VPS4A: variants seen among roughly 807,000 people sequenced by gnomAD.
The protein encoded by VPS4A is vacuolar protein sorting 4 homolog A.
A neutral mutation model predicts 52.3 loss-of-function variants in VPS4A; 20 were observed. The ratio of observed to expected loss-of-function variants is 0.38; its 90% CI spans 0.27 to 0.56. The LOEUF (loss-of-function observed/expected upper bound fraction) is 0.56. Ranked by LOEUF, VPS4A falls within the 20% of genes least tolerant of loss-of-function variation. The pLI, the probability that VPS4A is intolerant of heterozygous loss-of-function variation, is 0.72. For missense variants in VPS4A, 419 were observed against 575.9 expected (o/e 0.73, Z 2.79); for synonymous variants, 293 against 227.7 (o/e 1.29, Z -2.58).
intron 5 of VPS4A, 65 bp downstream of exon 5, chr16:69,319,007 G>A (rs543731331): frequency 3.9e-5 from 61 of 1,579,890 alleles, no homozygotes; most frequent in Middle Eastern, 1.7e-4. Flanking sequence ...CTGGCACTCC[G>A]AGGCACCCGG....
Position 69,324,580 on chromosome 16 carries a change from T to G in VPS4A, c.*271T>G, listed in dbSNP as rs973294045. The G allele has an allele frequency of 2.4e-6, 1 of 418,806 alleles. No homozygotes were observed. Among genetic ancestry groups the G allele is most frequent in the Non-Finnish European group, 4.4e-6 (1 of 226,014 alleles). 25.9% of individuals were successfully genotyped at this position (418,806 alleles called of 1,614,324 possible). On this transcript the variant is annotated 3_prime_UTR_variant, in exon 11 of 11. Transcript: ENST00000254950. ...CTCCTTCTGCCTCCCCCCCTTTTTT[T>G]TCCATCTTTTGTTCCCCTAAATTAA...
rs111910163 is a variant in VPS4A, at chr16:69,322,136, T to A, written c.1072-424T>A. On this transcript the variant is annotated intron_variant, in intron 9 of 10. Transcript: ENST00000254950. ...AAAGTGGAAACCCCTGATAAACCCA[T>A]CAGATCTCGTGAGACTTCACCATCA... The A allele has an allele frequency of 3.3e-3, 555 of 166,250 alleles. 2 individuals are homozygous for A. The highest frequency in any genetic ancestry group is 0.013 in the African/African-American group (521 of 41,592). The allele number at this position is 166,250 out of a possible 1,614,324, so 10.3% of individuals were successfully genotyped here. A position where few individuals can be genotyped will look rare whatever the true frequency, so the allele number is the denominator to read the frequency against.
Position 69,320,351 on chromosome 16 carries a change from A to T in VPS4A, c.769+62A>T. The T allele has an allele frequency of 6.3e-7, 1 of 1,583,270 alleles. No homozygotes were observed. The highest frequency in any genetic ancestry group is 2.3e-5 in the East Asian group (1 of 44,294). ...GCACCTGAAGCCAACCCTGGGCTTT[A>T]TTCTGAGCTGCGGCTGGATTTGGTT... On this transcript the variant is annotated intron_variant, in intron 7 of 10. Coordinates refer to ENST00000254950, the MANE Select transcript of VPS4A (RefSeq NM_013245.3). This position sits in a 1 kb window ranked among gnomAD's most constrained non-coding sequence, Gnocchi z 4.2.
chr16:69,315,644 T>C (rs138310433), intron 1 of VPS4A, among the ~76,000 whole-genome samples: 9 of 152,156 alleles, frequency 5.9e-5, no homozygotes, highest in African/African-American at 1.9e-4. Context: ...CTCCCGCGTG[T>C]CCCTTCTGCC....
rs1161106617 is a variant in VPS4A at position 69,319,009 on chromosome 16, G to A, written c.463+67G>A. ...GGCTTCCGCAGGGCTGGCACTCCGA[G>A]GCACCCGGGAGTCAGTGGCGACTCA... On this transcript the variant is annotated intron_variant, in intron 5 of 10. Coordinates refer to ENST00000254950, the MANE Select transcript of VPS4A (RefSeq NM_013245.3). 4 of 1,578,706 alleles carry A rather than the reference G, an allele frequency of 2.5e-6. No individual in the cohort carries two copies. The East Asian group carries it at 6.7e-5, about 27-fold the overall frequency.
intron 5 of VPS4A, among the ~76,000 whole-genome samples, 188 bp from the exon 6 acceptor site, chr16:69,319,199 C>T (rs1377714765): frequency 6.6e-6 from 1 of 150,884 alleles, no homozygotes; most frequent in Non-Finnish European, 1.5e-5. Context: ...AGCAGGGGCA[C>T]TGTGCAAGGT....
At chr16:69,323,671 C>G (rs1041670107) in intron 10 of VPS4A, 3 of 455,570 alleles carry the variant, frequency 6.6e-6, no homozygotes, top group African/African-American at 4.0e-5. Context: ...GGCTCCTGGC[C>G]GGGCGCCGTG....
rs576816128 is a variant in VPS4A at position 69,311,699 on chromosome 16, C to T, written c.21+167C>T. Among the ~76,000 whole-genome samples the T allele has an allele frequency of 2.0e-5, 3 of 152,186 alleles. No homozygotes were observed. The South Asian group carries it at 6.2e-4, about 32-fold the overall frequency. ...TTCCGCCCGTGTCTGTTTCCACGCG[C>T]TCGGAGCCGGGTGGCATCTCCACCC... On this transcript the variant is annotated intron_variant, in intron 1 of 10. Coordinates refer to ENST00000254950, the MANE Select transcript of VPS4A (RefSeq NM_013245.3).
At chr16:69,316,749 C>T (rs1965441920) in intron 3 of VPS4A, among the ~76,000 whole-genome samples, 1 of 152,190 alleles carries the variant, frequency 6.6e-6, no homozygotes. Context: ...ATGACGTGGG[C>T]AGTGCCCTTG....
intron 3 of VPS4A, 84 bp from the exon 4 acceptor site, chr16:69,318,566 A>G: frequency 6.9e-7 from 1 of 1,448,112 alleles, no homozygotes; most frequent in Non-Finnish European, 9.5e-7. Context: ...ACCAGTGTGC[A>G]GGCAGCGGAG....
At chr16:69,319,006 C>G in intron 5 of VPS4A, 64 bp downstream of exon 5, 1 of 1,580,014 alleles carries the variant, frequency 6.3e-7, no homozygotes, top group Non-Finnish European at 8.6e-7. Context: ...GCTGGCACTC[C>G]GAGGCACCCG....
At position 69,326,546 on chromosome 16, in the gene VPS4A, A is replaced by G. The variant is rs1965599285; in HGVS notation, c.*2237A>G. On this transcript the variant is annotated 3_prime_UTR_variant, in exon 11 of 11. Transcript: ENST00000254950. Reference sequence around the variant, plus strand: ...GTCCTAGGGGTTAACAAAGGTTAGCATGGCTATGGTCCATCCCTGTGCTCT... The same window carrying G: ...GTCCTAGGGGTTAACAAAGGTTAGCGTGGCTATGGTCCATCCCTGTGCTCT... The G allele has an allele frequency of 1.3e-5, 2 of 152,334 alleles. No homozygotes were observed. Among genetic ancestry groups the G allele is most frequent in the African/African-American group, 2.4e-5 (1 of 41,578 alleles). The allele number at this position is 152,334 out of a possible 1,614,324, so 9.4% of individuals were successfully genotyped here.
intron 10 of VPS4A, 30 bp from the exon 11 acceptor site, chr16:69,324,178 C>T (rs776870883): frequency 5.0e-6 from 8 of 1,603,862 alleles, no homozygotes; most frequent in Non-Finnish European, 6.0e-6. Flanking sequence ...AGCCTGGCTC[C>T]TGCTCAGGCA....
In VPS4A at chr16:69,322,627, G is replaced by A; in HGVS notation, c.1139G>A (p.Gly380Glu). Residue 380 changes from glycine (G) to glutamate (E), a missense_variant, in exon 10 of 11, where the codon GGG becomes GAG. Physicochemically the swap from Gly to Glu is moderately conservative, Grantham distance 98. Around this residue, in one of 3 missense-constraint regions of VPS4A, gnomAD observed 185 missense variants for 200.2 expected, o/e 0.92. Transcript: ENST00000254950. Reference protein sequence around the residue: ...IDDLLTPCSPGDPGAMEMTWM... With the variant: ...IDDLLTPCSPEDPGAMEMTWM... ...GACCTCCTGACTCCATGCTCACCAGGGGACCCAGGAGCCATGGAGATGACT... is the reference window on the plus strand; with the variant it reads ...GACCTCCTGACTCCATGCTCACCAGAGGACCCAGGAGCCATGGAGATGACT... 6.2e-7 allele frequency: 1 copy of A among 1,613,900 alleles called. No homozygotes were observed. The highest frequency in any genetic ancestry group is 1.1e-5 in the South Asian group (1 of 91,066).
Position 69,318,923 on chromosome 16 carries a change from A to G in VPS4A, c.444A>G (p.Lys148=). 1 of 1,613,484 alleles carries G rather than the reference A, an allele frequency of 6.2e-7. No homozygotes were observed. The highest frequency in any genetic ancestry group is 2.2e-5 in the East Asian group (1 of 44,866). ...AAGAAGCTGTCATTTTGCCAATCAA[A>G]TTCCCACACTTGTTCACAGGTGAGA... The part of the protein sequence containing the change: ...ALKEAVILPI[K]FPHLFTGKRT... Residue 148 remains lysine, a synonymous_variant, in exon 5 of 11, where the codon AAA becomes AAG. Coordinates refer to ENST00000254950, the MANE Select transcript of VPS4A (RefSeq NM_013245.3).
At chr16:69,313,856 T>C (rs1298180517) in intron 1 of VPS4A, among the ~76,000 whole-genome samples, 2 of 152,172 alleles carry the variant, frequency 1.3e-5, no homozygotes, top group African/African-American at 2.4e-5. Flanking sequence ...TACGTGTTAC[T>C]AGAGATGCGG....
At position 69,324,742 on chromosome 16, in the gene VPS4A, C is replaced by G. The variant is rs749749289; in HGVS notation, c.*433C>G. 2.1e-5 allele frequency: 4 copies of G among 194,604 alleles called. No homozygotes were observed. Among genetic ancestry groups the G allele is most frequent in the Middle Eastern group, 2.3e-3 (1 of 428 alleles). The allele number at this position is 194,604 out of a possible 1,614,324, so 12.1% of individuals were successfully genotyped here. A position where few individuals can be genotyped will look rare whatever the true frequency, so the allele number is the denominator to read the frequency against. ...CAGACAGCCGGCTAGCCCCACTGCCCGTTCCTTTTACGCCCAAGTTTTGCT... is the reference window on the plus strand; with the variant it reads ...CAGACAGCCGGCTAGCCCCACTGCCGGTTCCTTTTACGCCCAAGTTTTGCT... On this transcript the variant is annotated 3_prime_UTR_variant, in exon 11 of 11. Transcript: ENST00000254950.
rs1965599897 is a variant in VPS4A, at chr16:69,326,575, T to TA, written c.*2267dup. The TA allele has an allele frequency of 6.6e-6, 1 of 152,264 alleles. No individual in the cohort carries two copies. Among genetic ancestry groups the TA allele is most frequent in the African/African-American group, 2.4e-5 (1 of 41,460 alleles). 9.4% of individuals were successfully genotyped at this position (152,264 alleles called of 1,614,324 possible). A position where few individuals can be genotyped will look rare whatever the true frequency, so the allele number is the denominator to read the frequency against. On this transcript the variant is annotated 3_prime_UTR_variant, in exon 11 of 11. Transcript: ENST00000254950. ...CTATGGTCCATCCCTGTGCTCTAGTTAGAGCGTGAAGACACCTGACTTTCC... is the reference window on the plus strand; with the variant it reads ...CTATGGTCCATCCCTGTGCTCTAGTTAAGAGCGTGAAGACACCTGACTTTCC...
intron 3 of VPS4A, 69 bp downstream of exon 3, chr16:69,316,441 A>T: frequency 6.3e-7 from 1 of 1,581,874 alleles, no homozygotes; most frequent in Non-Finnish European, 8.6e-7. Flanking sequence ...CCTGGCGCTC[A>T]TGCTGCCTTG....
Sources: allele counts gnomAD v4.1 joint callset (sites outside exome capture counted in the v4.1 genomes callset), GRCh38; gene constraint gnomAD v4.1.1; regional missense constraint gnomAD v4.1.1; non-coding constraint Gnocchi (gnomAD v3.1); transcripts MANE v1.5; gene names NCBI Gene and HGNC (gene_info 2026-07-23, HGNC 2026-07-21).